The following ADCY9 variants were observed in gnomAD, a reference collection of about 807,000 sequenced individuals.
The protein encoded by ADCY9 is adenylate cyclase 9, also known as adenylate cyclase type 9.
ADCY9 carries 50 observed loss-of-function variants against 101.5 expected under a neutral mutation model. The observed-to-expected ratio is 0.49, with a 90% CI of 0.39 to 0.62. ADCY9 has a LOEUF of 0.62. Among genes scored for constraint, ADCY9 ranks in the 20% least tolerant of loss-of-function variants. The pLI is 0.00. For synonymous variants in ADCY9, 905 were observed against 769.3 expected (o/e 1.18, Z -2.92); for missense variants, 1,662 against 1,800.4 (o/e 0.92, Z 1.39).
Position 3,992,399 on chromosome 16 carries a change from T to A in ADCY9, c.1990-36A>T. Reference sequence around the variant, plus strand: ...ACAAAGAGGACGCAGACACGGGAAGTGAAGTGGCACCGGGCACTGGGCACA... The same window carrying A: ...ACAAAGAGGACGCAGACACGGGAAGAGAAGTGGCACCGGGCACTGGGCACA... On this transcript the variant is annotated intron_variant, in intron 4 of 10. Transcript: ENST00000294016. This position sits in a 1 kb window ranked among gnomAD's most constrained non-coding sequence, Gnocchi z 4.2. 3 of 1,596,218 alleles carry A rather than the reference T, an allele frequency of 1.9e-6. No homozygotes were observed. Among genetic ancestry groups the A allele is most frequent in the Non-Finnish European group, 2.6e-6 (3 of 1,166,628 alleles).
In ADCY9 at chr16:4,114,342, C is replaced by T; in HGVS notation, c.1101G>A (p.Lys367=). The T allele has an allele frequency of 1.9e-6, 3 of 1,614,006 alleles. No homozygotes were observed. Among genetic ancestry groups the T allele is most frequent in the Non-Finnish European group, 2.5e-6 (3 of 1,180,026 alleles). Reference sequence around the variant, plus strand: ...GGATGGAAGACTTTTTCTTCCTGTTCTTGGGGCTCGAGGTGGCATGCCTCT... The same window carrying T: ...GGATGGAAGACTTTTTCTTCCTGTTTTTGGGGCTCGAGGTGGCATGCCTCT... ...SVKRHATSSP[K]NRKKKSSIQK... Residue 367 remains lysine, a synonymous_variant, in exon 2 of 11, where the codon AAG becomes AAA. Transcript: ENST00000294016. This position sits in a 1 kb window ranked among gnomAD's most constrained non-coding sequence, Gnocchi z 4.3.
intron 2 of ADCY9, among the ~76,000 whole-genome samples, chr16:4,044,916 G>GGGCTCCC (rs1414033468): frequency 1.3e-5 from 2 of 152,196 alleles, no homozygotes; most frequent in Non-Finnish European, 1.5e-5. Context: ...TCACAGCAAC[G>GGGCTCCC]GGCTCCCGGC....
chr16:4,113,778 G>A lies in ADCY9; in HGVS notation c.1665C>T (p.Gly555=). ...MEDGKVIERL[G]QSVVADQLKG... is the part of the protein sequence containing the mutation. ...TCAACTGGTCAGCAACCACGCTCTG[G>A]CCCAGCCGTTCAATAACTTTCCCAT... Residue 555 remains glycine (G), a synonymous_variant, in exon 2 of 11, where the codon GGC becomes GGT. Coordinates refer to ENST00000294016, the MANE Select transcript of ADCY9 (RefSeq NM_001116.4). 1 of 1,613,700 alleles carries A rather than the reference G, an allele frequency of 6.2e-7. No homozygotes were observed. Among genetic ancestry groups the A allele is most frequent in the Non-Finnish European group, 8.5e-7 (1 of 1,179,746 alleles).
intron 2 of ADCY9, among the ~76,000 whole-genome samples, chr16:4,063,914 T>C (rs2056786492): frequency 6.6e-6 from 1 of 152,196 alleles, no homozygotes; most frequent in South Asian, 2.1e-4. Flanking sequence ...ACTCTCACCA[T>C]TTCTACTCAA....
At chr16:4,013,546 T>C (rs1269966925) in intron 2 of ADCY9, among the ~76,000 whole-genome samples, 2 of 152,238 alleles carry the variant, frequency 1.3e-5, no homozygotes, top group Non-Finnish European at 2.9e-5. Flanking sequence ...AACAAATGCC[T>C]AGAAGCTTAC....
At chr16:4,061,211 A>G (rs1204397294) in intron 2 of ADCY9, among the ~76,000 whole-genome samples, 1 of 152,114 alleles carries the variant, frequency 6.6e-6, no homozygotes, top group African/African-American at 2.4e-5. Context: ...CCTCAGAAAC[A>G]CAGGGATACC....
intron 2 of ADCY9, among the ~76,000 whole-genome samples, chr16:4,007,768 C>T (rs1248826493): frequency 1.3e-5 from 2 of 152,078 alleles, no homozygotes; most frequent in Admixed American, 6.5e-5. Flanking sequence ...ACACCACTCA[C>T]CCACGTTACG....
At chr16:4,086,661 T>C (rs924044742) in intron 2 of ADCY9, among the ~76,000 whole-genome samples, 5 of 152,052 alleles carry the variant, frequency 3.3e-5, no homozygotes, top group African/African-American at 7.2e-5. Flanking sequence ...GTGTTTTTTA[T>C]TTTTATTAAT....
Position 3,992,096 on chromosome 16 carries a change from G to C in ADCY9, c.2207+50C>G. The stretch of plus-strand genomic sequence containing the variant: ...AAAGAAAAGAAAAGAAAAAGGCAGA[G>C]AGGCTTCTGCCTGCAACCTTTGCTT... On this transcript the variant is annotated intron_variant, in intron 5 of 10. Transcript: ENST00000294016. The surrounding 1 kb of genome is among the most constrained non-coding windows in gnomAD (Gnocchi z 4.2). 1 of 1,556,404 alleles carries C rather than the reference G, an allele frequency of 6.4e-7. No homozygotes were observed. The highest frequency in any genetic ancestry group is 8.8e-7 in the Non-Finnish European group (1 of 1,132,136).
At chr16:4,003,286 T>C (rs1032129865) in intron 3 of ADCY9, among the ~76,000 whole-genome samples, 1 of 152,188 alleles carries the variant, frequency 6.6e-6, no homozygotes, top group East Asian at 1.9e-4. Flanking sequence ...AGATGGGACC[T>C]TCCCCAGAGA....
chr16:4,046,525 G>A (rs1459897241), intron 2 of ADCY9, among the ~76,000 whole-genome samples: 1 of 152,172 alleles, frequency 6.6e-6, no homozygotes, highest in Non-Finnish European at 1.5e-5. Flanking sequence ...AGTTCTCAAT[G>A]AGCAGGCTGG....
chr16:3,953,762 G>A (rs2238427), intron 5 of ADCY9, among the ~76,000 whole-genome samples: 60,719 of 152,122 alleles, frequency 0.4, 12,965 homozygotes, highest in Non-Finnish European at 0.48. Context: ...CGACGGACAA[G>A]TCAGAAGCCT....
Position 4,114,200 on chromosome 16 carries a change from G to C in ADCY9, c.1243C>G (p.Leu415Val). 1 of 1,613,982 alleles carries C rather than the reference G, an allele frequency of 6.2e-7. No individual in the cohort carries two copies. The highest frequency in any genetic ancestry group is 1.1e-5 in the South Asian group (1 of 91,088). ...AACAGATCGTTCAGGAGACCCACCA[G>C]GGCGTGGGCAGACTTGTTGGCACTC... Reference protein sequence around the residue: ...KMSANKSAHALVGLLNDLFGR... With the variant: ...KMSANKSAHAVVGLLNDLFGR... Residue 415 changes from leucine (L) to valine (V), a missense_variant, in exon 2 of 11, where the codon CTG (leucine) becomes GTG (valine). By Grantham distance (32) the Leu-to-Val change is conservative. Around this residue, in one of 5 missense-constraint regions of ADCY9, gnomAD observed 228 missense variants for 301.1 expected, o/e 0.76. Transcript: ENST00000294016. This position sits in a 1 kb window ranked among gnomAD's most constrained non-coding sequence, Gnocchi z 4.3.
intron 2 of ADCY9, among the ~76,000 whole-genome samples, chr16:4,097,559 T>TATATATATATATATATATACA: frequency 1.1e-5 from 1 of 88,784 alleles, no homozygotes; most frequent in African/African-American, 6.3e-5. Context: ...ATATATTTTT[T>TATATATATATATATATATACA]TTTTTTTTTT....
intron 3 of ADCY9, among the ~76,000 whole-genome samples, chr16:4,006,074 A>G (rs1009977503): frequency 6.6e-6 from 1 of 152,114 alleles, no homozygotes; most frequent in Admixed American, 6.5e-5. Context: ...CAGGGAAGAG[A>G]GGGTCCAACA....
intron 7 of ADCY9, among the ~76,000 whole-genome samples, chr16:3,981,335 G>A (rs2056140696): frequency 6.6e-6 from 1 of 152,168 alleles, no homozygotes; most frequent in African/African-American, 2.4e-5. Flanking sequence ...AAAGTAAAAA[G>A]GAATGGAGAC....
chr16:4,075,752 G>C (rs1025886250), intron 2 of ADCY9, among the ~76,000 whole-genome samples: 1 of 152,132 alleles, frequency 6.6e-6, no homozygotes, highest in African/African-American at 2.4e-5. Context: ...GCAGCGGGGG[G>C]GCCAGGCGGG....
intron 2 of ADCY9, among the ~76,000 whole-genome samples, chr16:4,064,716 C>A (rs2056790829): frequency 6.6e-6 from 1 of 151,928 alleles, no homozygotes; most frequent in Non-Finnish European, 1.5e-5. Flanking sequence ...TGGACTCAAG[C>A]AATCCTCCCA....
intron 2 of ADCY9, among the ~76,000 whole-genome samples, chr16:4,069,310 T>C (rs1377688627): frequency 1.4e-5 from 2 of 144,862 alleles, no homozygotes; most frequent in African/African-American, 5.0e-5. Flanking sequence ...TTAGGGGGAT[T>C]GTACATTTAG....
Sources: gnomAD v4.1 joint callset for allele counts (sites outside exome capture counted in the v4.1 genomes callset) on GRCh38, gnomAD v4.1.1 for gene constraint, gnomAD v4.1.1 regional missense constraint, Gnocchi (gnomAD v3.1) non-coding constraint, MANE v1.5 for transcripts, NCBI Gene and HGNC (gene_info 2026-07-23, HGNC 2026-07-21) for gene names.